The following PTCHD4 variants were observed in gnomAD, a reference collection of about 807,000 sequenced individuals.
The protein encoded by PTCHD4 is patched domain-containing protein 4.
A neutral mutation model predicts 58.1 loss-of-function variants in PTCHD4; 33 were observed. That is an observed-to-expected ratio of 0.57 (90% CI 0.43 to 0.76). The LOEUF (loss-of-function observed/expected upper bound fraction) is 0.76. Ranked by LOEUF, PTCHD4 falls within the 30% of genes least tolerant of loss-of-function variation. The pLI, the probability that PTCHD4 is intolerant of heterozygous loss-of-function variation, is 0.00. For missense variants in PTCHD4, 1,058 were observed against 1,027.1 expected, an observed-to-expected ratio of 1.03 and a Z score of -0.41; for synonymous variants, 478 against 409.6, an observed-to-expected ratio of 1.17 and a Z score of -2.02.
intron 4 of PTCHD4, among the ~76,000 whole-genome samples, chr6:47,985,289 A>C (rs1170427317): frequency 6.6e-6 from 1 of 152,120 alleles, no homozygotes; most frequent in Non-Finnish European, 1.5e-5. Flanking sequence ...ACACAGCACA[A>C]AATGAAGAAT....
chr6:47,974,508 T>TTG (rs1767622238), intron 4 of PTCHD4, among the ~76,000 whole-genome samples: 1 of 152,092 alleles, frequency 6.6e-6, no homozygotes, highest in Non-Finnish European at 1.5e-5. Flanking sequence ...GAGCTGGGTT[T>TTG]TTGTTGTTGT....
chr6:48,048,694 T>G (rs889463872), intron 3 of PTCHD4, among the ~76,000 whole-genome samples: 1 of 151,956 alleles, frequency 6.6e-6, no homozygotes. Context: ...GAAGATGAAT[T>G]ATTTAACATC....
chr6:47,919,111 T>G (rs929696158), intron 4 of PTCHD4, among the ~76,000 whole-genome samples: 4 of 152,154 alleles, frequency 2.6e-5, no homozygotes, highest in Non-Finnish European at 5.9e-5. Flanking sequence ...AATTATTTAC[T>G]TGAGAGAGAA....
chr6:47,993,277 G>A (rs1163482368), intron 4 of PTCHD4, among the ~76,000 whole-genome samples: 2 of 152,138 alleles, frequency 1.3e-5, no homozygotes, highest in Non-Finnish European at 2.9e-5. Context: ...GCCAGCCTCC[G>A]ATTTTACCAA....
intron 4 of PTCHD4, among the ~76,000 whole-genome samples, chr6:48,003,725 C>A (rs1768830506): frequency 6.6e-6 from 1 of 152,194 alleles, no homozygotes; most frequent in South Asian, 2.1e-4. Context: ...AAGGTTAATT[C>A]TCAGTGTCCT....
intron 3 of PTCHD4, among the ~76,000 whole-genome samples, chr6:48,050,511 CT>C (rs547561629): frequency 6.6e-5 from 10 of 152,010 alleles, no homozygotes; most frequent in Non-Finnish European, 1.5e-4. Context: ...TCCATCCAAT[CT>C]GAGTGGACTT....
chr6:47,931,370 T>C (rs999507184), intron 4 of PTCHD4, among the ~76,000 whole-genome samples: 1 of 152,214 alleles, frequency 6.6e-6, no homozygotes, highest in Non-Finnish European at 1.5e-5. Flanking sequence ...GCACTTTTTT[T>C]GGGACAAGTT....
chr6:48,109,764 C>T (rs1765824891), intron 1 of PTCHD4, among the ~76,000 whole-genome samples: 1 of 151,984 alleles, frequency 6.6e-6, no homozygotes, highest in African/African-American at 2.4e-5. Context: ...TTAAAATGAG[C>T]ACAGGACCTG....
chr6:48,034,395 G>A (rs1763556072), intron 3 of PTCHD4, among the ~76,000 whole-genome samples: 1 of 152,074 alleles, frequency 6.6e-6, no homozygotes, highest in Non-Finnish European at 1.5e-5. Flanking sequence ...TGATAAATGG[G>A]GCATTTGGGT....
At chr6:47,903,464 G>T (rs1764776177) in intron 4 of PTCHD4, among the ~76,000 whole-genome samples, 1 of 152,064 alleles carries the variant, frequency 6.6e-6, no homozygotes, top group South Asian at 2.1e-4. Context: ...CTCTAGGCAT[G>T]CACAACCATG....
chr6:48,077,263 C>G (rs990929963), intron 1 of PTCHD4, among the ~76,000 whole-genome samples: 5 of 152,200 alleles, frequency 3.3e-5, no homozygotes, highest in Non-Finnish European at 7.3e-5. Flanking sequence ...CAATGTGGCA[C>G]CAGACATATC....
chr6:47,884,722 T>C (rs1764129375), intron 4 of PTCHD4, among the ~76,000 whole-genome samples: 1 of 152,258 alleles, frequency 6.6e-6, no homozygotes, highest in South Asian at 2.1e-4. Flanking sequence ...TTGTTTTACA[T>C]GCAGTTACCT....
chr6:47,990,711 G>A (rs192423125), intron 4 of PTCHD4, among the ~76,000 whole-genome samples: 2 of 152,220 alleles, frequency 1.3e-5, no homozygotes, highest in Non-Finnish European at 2.9e-5. Context: ...TTTATCAGCA[G>A]TATGAAAATG....
chr6:48,073,215 A>G (rs1372567977), intron 1 of PTCHD4, among the ~76,000 whole-genome samples: 1 of 152,156 alleles, frequency 6.6e-6, no homozygotes, highest in Non-Finnish European at 1.5e-5. Context: ...AACAGAATTC[A>G]TGTTTTCTGA....
intron 4 of PTCHD4, among the ~76,000 whole-genome samples, chr6:47,996,744 C>G (rs560655779): frequency 2.0e-5 from 3 of 152,290 alleles, no homozygotes; most frequent in Non-Finnish European, 4.4e-5. Context: ...AAGCTCCACG[C>G]AAACATGAAA....
chr6:48,018,226 G>T (rs1012321503), intron 3 of PTCHD4, among the ~76,000 whole-genome samples: 2 of 152,132 alleles, frequency 1.3e-5, no homozygotes, highest in African/African-American at 4.8e-5. Context: ...CTACTATACC[G>T]CCGGGTGACA....
At chr6:47,957,269 T>A (rs1177952586) in intron 4 of PTCHD4, among the ~76,000 whole-genome samples, 2 of 147,948 alleles carry the variant, frequency 1.4e-5, no homozygotes, top group African/African-American at 4.9e-5. Context: ...ATAATATATA[T>A]ATTATATATA....
chr6:47,934,598 T>C (rs1561965275), intron 4 of PTCHD4, among the ~76,000 whole-genome samples: 2 of 152,198 alleles, frequency 1.3e-5, no homozygotes, highest in Admixed American at 6.5e-5. Flanking sequence ...TGACTTTTGG[T>C]TCACTTTTCA....
chr6:47,907,877 C>T (rs375724681), intron 4 of PTCHD4, among the ~76,000 whole-genome samples: 3 of 152,146 alleles, frequency 2.0e-5, no homozygotes, highest in African/African-American at 7.2e-5. Flanking sequence ...ACCTGGACTC[C>T]CCTACTTCCA....
Sources: gnomAD v4.1 joint callset for allele counts (sites outside exome capture counted in the v4.1 genomes callset) on GRCh38, gnomAD v4.1.1 for gene constraint, MANE v1.5 for transcripts, NCBI Gene and HGNC (gene_info 2026-07-23, HGNC 2026-07-21) for gene names.